Variants in DMD observed in about 807,000 individuals in gnomAD.
DMD encodes the protein mutant dystrophin.
A neutral mutation model predicts 330.1 loss-of-function variants in DMD; 63 were observed. The ratio of observed to expected loss-of-function variants is 0.19; its 90% confidence interval spans 0.16 to 0.24. The LOEUF (loss-of-function observed/expected upper bound fraction) is 0.24. Among genes scored for constraint, DMD ranks in the 10% least tolerant of loss-of-function variants. DMD has a pLI of 1.00. For synonymous variants in DMD, 1,223 were observed against 959.8 expected, an observed-to-expected ratio of 1.27 and a Z score of -5.07; for missense variants, 3,344 against 2,684.1, an observed-to-expected ratio of 1.25 and a Z score of -5.43.
At chrX:32,242,013 C>T (rs975386372) in intron 43 of DMD, among the ~76,000 whole-genome samples, 1 of 111,678 alleles carries the variant, frequency 9.0e-6, no homozygotes, top group Admixed American at 9.5e-5. Flanking sequence ...GATCATCATG[C>T]TCCCCAGAGA....
chrX:31,995,012 C>T (rs1317169168), intron 44 of DMD, among the ~76,000 whole-genome samples: 1 of 111,732 alleles, frequency 8.9e-6, no homozygotes, highest in African/African-American at 3.2e-5. Flanking sequence ...GTAGAGATGA[C>T]GAATTTTGAG....
At chrX:32,056,099 C>T (rs990211293) in intron 44 of DMD, among the ~76,000 whole-genome samples, 2 of 110,618 alleles carry the variant, frequency 1.8e-5, no homozygotes, top group African/African-American at 6.5e-5. Context: ...CTTTCATTTG[C>T]TTTGAAGTGT....
intron 6 of DMD, among the ~76,000 whole-genome samples, chrX:32,813,623 G>C (rs1050505095): frequency 1.8e-5 from 2 of 111,571 alleles, no homozygotes; most frequent in African/African-American, 6.5e-5. Context: ...TATATAAGAA[G>C]AGTGATGTAT....
In DMD at chrX:32,545,327, T is replaced by C. The variant is rs780258934; in HGVS notation, c.2000A>G (p.Gln667Arg). Residue 667 changes from glutamine (Q) to arginine (R), a missense_variant, in exon 17 of 79, where the codon CAG becomes CGG. Physicochemically the swap from Gln to Arg is conservative, Grantham distance 43. Transcript: ENST00000357033. ...TGATGGCTGAGTGGTGGTGACAGCC[T>C]GTGAAATCTGTGAGAAGTATTGAAA... is the stretch of plus-strand genomic sequence containing the variant. ...KLEKSTAQIS[Q>R]AVTTTQPSLT... is the part of the protein sequence containing the mutation. The C allele has an allele frequency of 5.8e-6, 7 of 1,209,277 alleles. 1 individual carries two copies. In the South Asian group the frequency reaches 1.2e-4, roughly 21 times the overall value.
intron 4 of DMD, among the ~76,000 whole-genome samples, chrX:32,842,721 A>G (rs930017584): frequency 5.4e-5 from 6 of 110,602 alleles, no homozygotes. Flanking sequence ...TGACCTCCAG[A>G]CTCATCCATG....
intron 7 of DMD, among the ~76,000 whole-genome samples, chrX:32,747,932 T>C (rs758131963): frequency 1.3e-3 from 145 of 112,130 alleles, no homozygotes; most frequent in African/African-American, 4.5e-3. Context: ...TTGAATAACT[T>C]TTAATAATAG....
intron 12 of DMD, among the ~76,000 whole-genome samples, chrX:32,610,443 G>C (rs1243433509): frequency 9.0e-6 from 1 of 111,399 alleles, no homozygotes; most frequent in Non-Finnish European, 1.9e-5. Context: ...ACATTTCACA[G>C]TGTCTGAATT....
chrX:32,302,077 C>T (rs968889789), intron 42 of DMD, among the ~76,000 whole-genome samples: 72 of 110,914 alleles, frequency 6.5e-4, no homozygotes, highest in African/African-American at 2.3e-3. Context: ...CAACTAGCCT[C>T]GGAAATACAC....
At chrX:31,786,828 G>T (rs1298831223) in intron 50 of DMD, among the ~76,000 whole-genome samples, 1 of 111,579 alleles carries the variant, frequency 9.0e-6, no homozygotes, top group Non-Finnish European at 1.9e-5. Context: ...CTGTCACATG[G>T]GCTGAAGCCT....
At chrX:32,202,397 G>C (rs1273185650) in intron 44 of DMD, among the ~76,000 whole-genome samples, 1 of 111,375 alleles carries the variant, frequency 9.0e-6, no homozygotes, top group Non-Finnish European at 1.9e-5. Flanking sequence ...CTGTCGCCAG[G>C]CTGGAGTGCA....
At chrX:31,648,916 CATTT>C (rs1253815553) in intron 54 of DMD, among the ~76,000 whole-genome samples, 6 of 110,349 alleles carry the variant, frequency 5.4e-5, no homozygotes, top group Admixed American at 3.9e-4. Context: ...TGATTATATT[CATTT>C]ATTAAAAAAA....
chrX:33,071,172 C>G (rs2094749477), intron 1 of DMD, among the ~76,000 whole-genome samples: 1 of 111,170 alleles, frequency 9.0e-6, no homozygotes, highest in Non-Finnish European at 1.9e-5. Flanking sequence ...GACATACAGG[C>G]CGGACTTGGT....
chrX:32,284,480 G>A (rs2097432027), intron 43 of DMD, among the ~76,000 whole-genome samples: 1 of 111,801 alleles, frequency 8.9e-6, no homozygotes, highest in African/African-American at 3.3e-5. Context: ...TGAATTAACA[G>A]ATATCATGAC....
At chrX:31,740,452 A>G (rs1389595896) in intron 51 of DMD, among the ~76,000 whole-genome samples, 1 of 112,090 alleles carries the variant, frequency 8.9e-6, no homozygotes, top group African/African-American at 3.2e-5. Flanking sequence ...ATGAAACAAT[A>G]TATAGGACTG....
At chrX:32,540,348 T>A (rs975646162) in intron 17 of DMD, among the ~76,000 whole-genome samples, 1 of 111,829 alleles carries the variant, frequency 8.9e-6, no homozygotes, top group African/African-American at 3.2e-5. Context: ...ACAACATATG[T>A]AGAAACTGTA....
At chrX:31,787,823 T>A (rs1351011076) in intron 50 of DMD, among the ~76,000 whole-genome samples, 1 of 112,004 alleles carries the variant, frequency 8.9e-6, no homozygotes, top group Non-Finnish European at 1.9e-5. Flanking sequence ...ATTTAACTTG[T>A]AGAAAACCAT....
intron 44 of DMD, among the ~76,000 whole-genome samples, chrX:32,076,288 G>A (rs1433184234): frequency 1.8e-5 from 2 of 109,205 alleles, no homozygotes; most frequent in Non-Finnish European, 3.8e-5. Context: ...ACAGGGGAAG[G>A]AGATGTTACC....
intron 42 of DMD, among the ~76,000 whole-genome samples, chrX:32,307,801 T>G (rs1011439812): frequency 1.8e-5 from 2 of 111,377 alleles, no homozygotes; most frequent in African/African-American, 6.5e-5. Context: ...GTAATTATAT[T>G]TTGGAAAATT....
rs772309406 is a variant in DMD, at chrX:32,412,039, G to A, written c.4072-126C>T. ...ATCACCTTTTTGTAAGACAGATTTC[G>A]CAGCTTCCTGGCACTCATTCAGCTC... is the stretch of plus-strand genomic sequence containing the variant. On this transcript the variant is annotated intron_variant, in intron 29 of 78. Coordinates refer to ENST00000357033, the MANE Select transcript of DMD (RefSeq NM_004006.3). The A allele has an allele frequency of 5.0e-5, 59 of 1,189,686 alleles. No homozygotes were observed. In the South Asian group the frequency reaches 7.7e-4, roughly 16 times the overall value.
Sources: gnomAD v4.1 joint callset for allele counts (sites outside exome capture counted in the v4.1 genomes callset) on GRCh38, gnomAD v4.1.1 for gene constraint, MANE v1.5 for transcripts, NCBI Gene and HGNC (gene_info 2026-07-23, HGNC 2026-07-21) for gene names.